Variants in DCST2 observed in about 807,000 individuals in gnomAD.
The protein encoded by DCST2 is DC-STAMP domain-containing protein 2.
In DCST2, 64 loss-of-function variants were observed where a neutral mutation model predicts 81.8. The ratio of observed to expected loss-of-function variants is 0.78; its 90% confidence interval spans 0.64 to 0.96. The LOEUF (loss-of-function observed/expected upper bound fraction) is 0.96. Ranked by LOEUF, DCST2 falls within the 40% of genes least tolerant of loss-of-function variation. The pLI is 0.00. For synonymous variants in DCST2, 354 were observed against 402.6 expected, an observed-to-expected ratio of 0.88 and a Z score of 1.44; for missense variants, 945 against 1,001.4, an observed-to-expected ratio of 0.94 and a Z score of 0.76.
intron 1 of DCST2, 32 bp from the exon 2 acceptor site, chr1:155,033,296 C>T (rs745945062): frequency 6.3e-6 from 10 of 1,596,898 alleles, no homozygotes. Context: ...GAACCAAGAC[C>T]CCAGCCCCAA....
intron 14 of DCST2, 64 bp downstream of exon 14, chr1:155,023,053 C>G: frequency 6.4e-7 from 1 of 1,561,254 alleles, no homozygotes; most frequent in Non-Finnish European, 8.6e-7. Context: ...AAGGCCTTTG[C>G]AAATGGAACA....
intron 10 of DCST2, among the ~76,000 whole-genome samples, chr1:155,025,813 G>A (rs1403570285): frequency 6.6e-6 from 1 of 151,780 alleles, no homozygotes; most frequent in Non-Finnish European, 1.5e-5. Context: ...ATCCTCCCTA[G>A]TAGCTGGGAC....
intron 2 of DCST2, 123 bp from the exon 3 acceptor site, chr1:155,032,891 TG>T: frequency 9.3e-7 from 1 of 1,072,280 alleles, no homozygotes; most frequent in Non-Finnish European, 1.4e-6. Context: ...GCCTGGATTC[TG>T]GGGCCTGGGA....
At chr1:155,019,956 C>G (rs915105760) in intron 14 of DCST2, among the ~76,000 whole-genome samples, 16 of 152,220 alleles carry the variant, frequency 1.1e-4, no homozygotes, top group Admixed American at 2.0e-4. Context: ...CAGCTGCCTG[C>G]TCTGCTCTCT....
In DCST2 at chr1:155,018,640, G is replaced by A. The variant is rs756552401; in HGVS notation, c.2226C>T (p.Ser742=). The change falls in exon 15 of 15, where the codon TCC becomes TCT. Residue 742 remains serine (S), a synonymous_variant. Coordinates refer to ENST00000368424, the MANE Select transcript of DCST2 (RefSeq NM_144622.3). ...GAGTGGGGGCTCCTTTAGTGGCGGA[G>A]GATGTCTCAGGTGGTCTGTGGGGCT... ...SPEPHRPPET[S]SATKGAPTPA... 2.3e-5 allele frequency: 37 copies of A among 1,613,808 alleles called. No individual in the cohort carries two copies. The highest frequency in any genetic ancestry group is 3.1e-5 in the Non-Finnish European group (37 of 1,179,908).
In DCST2 at chr1:155,025,321, GTTTGTTTTGT is replaced by G. The variant is rs752097948; in HGVS notation, c.1612-729_1612-720del. Among the ~76,000 whole-genome samples the G allele has an allele frequency of 2.0e-5, 3 of 151,726 alleles. No individual in the cohort carries two copies. The South Asian group carries it at 6.2e-4, about 32-fold the overall frequency. On this transcript the variant is annotated intron_variant, in intron 10 of 14. Coordinates refer to ENST00000368424, the MANE Select transcript of DCST2 (RefSeq NM_144622.3). ...AGTAAACCGATGGTGAGGGTTTTTT[GTTTGTTTTGT>G]TTTGTTTTGTTTTTTTGAGATGGAG...
At chr1:155,027,428 G>T (rs1043221000) in intron 8 of DCST2, among the ~76,000 whole-genome samples, 1 of 143,092 alleles carries the variant, frequency 7.0e-6, no homozygotes, top group Non-Finnish European at 1.5e-5. Flanking sequence ...TTACAGGTGT[G>T]AGCCACCGAG....
intron 10 of DCST2, among the ~76,000 whole-genome samples, chr1:155,025,315 T>G (rs1168427204): frequency 6.6e-6 from 1 of 151,454 alleles, no homozygotes; most frequent in Non-Finnish European, 1.5e-5. Context: ...ATGGTGAGGG[T>G]TTTTTGTTTG....
In DCST2 at chr1:155,018,756, G is replaced by C. The variant is rs1659651950; in HGVS notation, c.2110C>G (p.Leu704Val). The C allele has an allele frequency of 6.2e-7, 1 of 1,612,584 alleles. No homozygotes were observed. Among genetic ancestry groups the C allele is most frequent in the African/African-American group, 1.3e-5 (1 of 74,848 alleles). The change falls in exon 15 of 15, where the codon CTG (leucine) becomes GTG (valine). Residue 704 changes from leucine (L) to valine (V), a missense_variant. Coordinates refer to ENST00000368424, the MANE Select transcript of DCST2 (RefSeq NM_144622.3). ...TGCTGAGGCCCCTTCTCCTCATCCA[G>C]GTCACTAGTGAGGAGAGGAAGGGGG... The part of the protein sequence containing the change: ...SMESTSESSD[L>V]DEEKGPQQRK...
At chr1:155,021,041 C>T (rs1324014128) in intron 14 of DCST2, among the ~76,000 whole-genome samples, 1 of 151,780 alleles carries the variant, frequency 6.6e-6, no homozygotes, top group Non-Finnish European at 1.5e-5. Flanking sequence ...CCTCTGTCAC[C>T]CAGGCTAAAA....
In DCST2 at chr1:155,026,693, G is replaced by A. The variant is rs530312634; in HGVS notation, c.1365C>T (p.Thr455=). The part of the protein sequence containing the change: ...VARSPVLVSL[T]VEGTGYAGNI... ...TCCCAGCGTAGCCAGTACCTTCCAC[G>A]GTTAGAGACACCAACACAGGACCTG... Residue 455 remains threonine, a synonymous_variant, in exon 9 of 15, where the codon ACC becomes ACT. Transcript: ENST00000368424. 29 of 1,614,158 alleles carry A rather than the reference G, an allele frequency of 1.8e-5. No homozygotes were observed. Among genetic ancestry groups the A allele is most frequent in the African/African-American group, 9.3e-5 (7 of 75,044 alleles).
intron 14 of DCST2, among the ~76,000 whole-genome samples, chr1:155,021,787 TCTC>T (rs1385402607): frequency 1.3e-5 from 2 of 151,276 alleles, no homozygotes; most frequent in Non-Finnish European, 2.9e-5. Flanking sequence ...ATCACGAACT[TCTC>T]CTAGACTAAG....
At position 155,026,318 on chromosome 1, in the gene DCST2, T is replaced by G; in HGVS notation, c.1595A>C (p.Tyr532Ser). Reference sequence around the variant, plus strand: ...ACCCCTCACCTGCTCCCGGGATGGGTAGTAGGAGGCACAGATGACTCGCCG... The same window carrying G: ...ACCCCTCACCTGCTCCCGGGATGGGGAGTAGGAGGCACAGATGACTCGCCG... ...RLRRVICASY[Y>S]PSREQERISY... is the part of the protein sequence containing the mutation. Residue 532 changes from tyrosine (Y) to serine (S), a missense_variant, in exon 10 of 15, where the codon TAC becomes TCC. Physicochemically the swap from Tyr to Ser is moderately radical, Grantham distance 144 (BLOSUM62 -2). Coordinates refer to ENST00000368424, the MANE Select transcript of DCST2 (RefSeq NM_144622.3). The G allele has an allele frequency of 1.9e-6, 3 of 1,613,532 alleles. No individual in the cohort carries two copies. Among genetic ancestry groups the G allele is most frequent in the Admixed American group, 1.7e-5 (1 of 60,006 alleles).
In DCST2 at chr1:155,030,605, C is replaced by T. The variant is rs746486663; in HGVS notation, c.846G>A (p.Glu282=). The T allele has an allele frequency of 1.4e-5, 23 of 1,613,986 alleles. No homozygotes were observed. In the African/African-American group the frequency reaches 2.3e-4, roughly 16 times the overall value. The change falls in exon 6 of 15, where the codon GAG becomes GAA. Residue 282 remains glutamate, a synonymous_variant. Coordinates refer to ENST00000368424, the MANE Select transcript of DCST2 (RefSeq NM_144622.3). ...AGTGGTGGGTGGCTGTCATGTTGAA[C>T]TCAAACTCCTGACGCACCCGGTTGA... ...QLLNRVRQEF[E]FNMTATHHFS... is the part of the protein sequence containing the mutation.
chr1:155,032,956 T>C, intron 2 of DCST2, 138 bp downstream of exon 2: 6 of 1,082,426 alleles, frequency 5.5e-6, no homozygotes, highest in South Asian at 1.6e-5. Context: ...AGGGTTTAGC[T>C]GTGCCCAGAG....
chr1:155,030,776 G>A, intron 5 of DCST2, 131 bp from the exon 6 acceptor site: 3 of 923,684 alleles, frequency 3.2e-6, no homozygotes, highest in Non-Finnish European at 4.9e-6. Flanking sequence ...CCAGTGCTTG[G>A]GTCAAGGTGG....
At position 155,033,757 on chromosome 1, in the gene DCST2, C is replaced by T; in HGVS notation, c.-56G>A. ...CAGGAGATGCCCGCTGACTTCTGTGCTCCTGGAATTTCTCACCGTATTCTA... is the reference window on the plus strand; with the variant it reads ...CAGGAGATGCCCGCTGACTTCTGTGTTCCTGGAATTTCTCACCGTATTCTA... On this transcript the variant is annotated 5_prime_UTR_variant, in exon 1 of 15. Transcript: ENST00000368424. 1 of 1,576,410 alleles carries T rather than the reference C, an allele frequency of 6.3e-7. No homozygotes were observed. Among genetic ancestry groups the T allele is most frequent in the Non-Finnish European group, 8.6e-7 (1 of 1,161,432 alleles).
At chr1:155,026,830 T>C in intron 8 of DCST2, 115 bp from the exon 9 acceptor site, 1 of 1,308,108 alleles carries the variant, frequency 7.6e-7, no homozygotes, top group Non-Finnish European at 1.1e-6. Context: ...CTCAGACCCT[T>C]GGCTGGGGGC....
At chr1:155,023,032 A>G (rs1187465508) in intron 14 of DCST2, 85 bp downstream of exon 14, 2 of 1,530,546 alleles carry the variant, frequency 1.3e-6, no homozygotes, top group East Asian at 4.5e-5. Flanking sequence ...GCAAAGGTCC[A>G]GACACCCAGG....
Sources: allele counts gnomAD v4.1 joint callset (sites outside exome capture counted in the v4.1 genomes callset), GRCh38; gene constraint gnomAD v4.1.1; transcripts MANE v1.5; gene names NCBI Gene and HGNC (gene_info 2026-07-23, HGNC 2026-07-21).